Variants in SMYD3 observed in about 807,000 individuals in gnomAD.
SMYD3 encodes SET and MYND domain containing 3.
SMYD3 carries 36 observed loss-of-function variants against 57.7 expected under a neutral mutation model. The observed-to-expected ratio is 0.62, with a 90% confidence interval of 0.48 to 0.82. The LOEUF (loss-of-function observed/expected upper bound fraction) is 0.82. SMYD3 is among the 40% of genes least tolerant of loss of function. SMYD3 has a pLI of 0.00. For missense variants in SMYD3, 515 were observed against 538.8 expected, an observed-to-expected ratio of 0.96 and a Z score of 0.44; for synonymous variants, 211 against 195.0, an observed-to-expected ratio of 1.08 and a Z score of -0.68.
chr1:245,795,649 A>G (rs1231430834), intron 10 of SMYD3, among the ~76,000 whole-genome samples: 1 of 152,044 alleles, frequency 6.6e-6, no homozygotes, highest in African/African-American at 2.4e-5. Context: ...GAGTTCCCTG[A>G]CTTTCTCTAC....
intron 1 of SMYD3, among the ~76,000 whole-genome samples, chr1:246,457,972 G>A (rs776821839): frequency 1.6e-4 from 24 of 152,172 alleles, no homozygotes; most frequent in Non-Finnish European, 2.8e-4. Context: ...AGTTATGACA[G>A]TTATGATGTT....
At chr1:245,780,719 C>T (rs1341061541) in intron 10 of SMYD3, among the ~76,000 whole-genome samples, 1 of 152,112 alleles carries the variant, frequency 6.6e-6, no homozygotes, top group Non-Finnish European at 1.5e-5. Flanking sequence ...AAAGATTAAA[C>T]ATTATGCCCC....
chr1:245,822,161 T>C (rs1248227057), intron 10 of SMYD3, among the ~76,000 whole-genome samples: 1 of 152,096 alleles, frequency 6.6e-6, no homozygotes, highest in African/African-American at 2.4e-5. Flanking sequence ...TGTCCAACAA[T>C]GATAGATCGG....
At chr1:246,053,536 A>C (rs2060096764) in intron 5 of SMYD3, among the ~76,000 whole-genome samples, 1 of 152,184 alleles carries the variant, frequency 6.6e-6, no homozygotes, top group African/African-American at 2.4e-5. Flanking sequence ...TCCAACAAAG[A>C]TGAAAAGGCA....
chr1:246,431,454 G>A (rs941320119), intron 1 of SMYD3, among the ~76,000 whole-genome samples: 3 of 152,192 alleles, frequency 2.0e-5, no homozygotes, highest in Non-Finnish European at 4.4e-5. Flanking sequence ...TTTAGGCCAG[G>A]TGAGGTGGCT....
At chr1:246,482,572 C>T (rs2103061270) in intron 1 of SMYD3, among the ~76,000 whole-genome samples, 1 of 152,258 alleles carries the variant, frequency 6.6e-6, no homozygotes, top group South Asian at 2.1e-4. Context: ...GGTGGGCTCT[C>T]CACAGCTCTC....
At chr1:246,229,510 G>C (rs996651418) in intron 5 of SMYD3, among the ~76,000 whole-genome samples, 1 of 152,166 alleles carries the variant, frequency 6.6e-6, no homozygotes, top group Non-Finnish European at 1.5e-5. Context: ...ATCTTATAGA[G>C]ATGATGCAAA....
At chr1:246,233,029 A>G (rs367724880) in intron 5 of SMYD3, among the ~76,000 whole-genome samples, 9 of 132,624 alleles carry the variant, frequency 6.8e-5, no homozygotes, top group East Asian at 5.0e-4. Context: ...TGATGAACAT[A>G]TACCACACAG....
At position 246,473,320 on chromosome 1, in the gene SMYD3, G is replaced by A. The variant is rs552879476; in HGVS notation, c.164+33734C>T. On this transcript the variant is annotated intron_variant, in intron 1 of 11. Coordinates refer to ENST00000490107, the MANE Select transcript of SMYD3 (RefSeq NM_001167740.2). ...AGTTTGAGTTCAGAATATATTTAGA[G>A]TAAACCTGATTTATTATGTTATTAT... Among the ~76,000 whole-genome samples, 17 of 152,248 alleles carry A rather than the reference G, an allele frequency of 1.1e-4. No homozygotes were observed. The East Asian group carries it at 2.7e-3, about 24-fold the overall frequency.
intron 10 of SMYD3, among the ~76,000 whole-genome samples, chr1:245,836,690 C>T (rs2050122108): frequency 6.6e-6 from 1 of 152,208 alleles, no homozygotes. Flanking sequence ...GGAAGTAGAA[C>T]TCAGAGAGCA....
intron 7 of SMYD3, among the ~76,000 whole-genome samples, chr1:245,916,620 TA>T (rs1423710427): frequency 3.3e-5 from 5 of 152,136 alleles, no homozygotes; most frequent in Non-Finnish European, 4.4e-5. Flanking sequence ...GGCTCCACCT[TA>T]AAAACTACCC....
At chr1:246,158,284 A>T (rs998324470) in intron 5 of SMYD3, among the ~76,000 whole-genome samples, 1 of 152,234 alleles carries the variant, frequency 6.6e-6, no homozygotes, top group Non-Finnish European at 1.5e-5. Flanking sequence ...CTAAAATTTC[A>T]TTCTATGTAC....
intron 5 of SMYD3, among the ~76,000 whole-genome samples, chr1:246,209,796 A>T (rs1199360408): frequency 6.6e-6 from 1 of 152,198 alleles, no homozygotes. Context: ...AGGAATAATC[A>T]CATTCCAGTT....
chr1:245,773,295 G>T (rs762246393), intron 10 of SMYD3, among the ~76,000 whole-genome samples: 27 of 152,188 alleles, frequency 1.8e-4, no homozygotes, highest in Admixed American at 3.3e-4. Flanking sequence ...TTAAGGGAAA[G>T]ACTTATGTTG....
intron 1 of SMYD3, among the ~76,000 whole-genome samples, chr1:246,484,973 C>T (rs112893694): frequency 1.7e-3 from 7 of 4,028 alleles, no homozygotes; most frequent in Non-Finnish European, 2.4e-3. Flanking sequence ...ACTAGTTACA[C>T]CTGAAAACAC....
intron 5 of SMYD3, among the ~76,000 whole-genome samples, chr1:246,307,829 C>G (rs1032513183): frequency 5.3e-5 from 8 of 152,172 alleles, no homozygotes; most frequent in African/African-American, 1.9e-4. Flanking sequence ...AACCTGAAAT[C>G]AACTGCTCCT....
intron 10 of SMYD3, among the ~76,000 whole-genome samples, chr1:245,816,546 C>A (rs1296946786): frequency 1.4e-5 from 2 of 142,438 alleles, no homozygotes; most frequent in Non-Finnish European, 3.0e-5. Context: ...AAAAGAGGAG[C>A]CAAGATGGCC....
chr1:246,218,228 T>TAAAAA lies in SMYD3; in HGVS notation c.531+108972_531+108973insTTTTT, dbSNP rs141992207. Among the ~76,000 whole-genome samples the TAAAAA allele has an allele frequency of 2.6e-3, 391 of 151,034 alleles. 1 individual carries two copies. Among genetic ancestry groups the TAAAAA allele is most frequent in the Middle Eastern group, 0.014 (4 of 292 alleles). On this transcript the variant is annotated intron_variant, in intron 5 of 11. Coordinates refer to ENST00000490107, the MANE Select transcript of SMYD3 (RefSeq NM_001167740.2). ...ATTTCAATACATACAAGAAAACCTG[T>TAAAAA]TAAAAAAAAAGCCAGTGAAAGGAAC... is the stretch of plus-strand genomic sequence containing the variant.
chr1:246,188,375 T>C, intron 5 of SMYD3, among the ~76,000 whole-genome samples: 1 of 152,180 alleles, frequency 6.6e-6, no homozygotes, highest in Non-Finnish European at 1.5e-5. Context: ...GCCTAGACAA[T>C]GCCTAATGGA....
Sources: gnomAD v4.1 joint callset for allele counts (sites outside exome capture counted in the v4.1 genomes callset) on GRCh38, gnomAD v4.1.1 for gene constraint, MANE v1.5 for transcripts, NCBI Gene and HGNC (gene_info 2026-07-23, HGNC 2026-07-21) for gene names.